SMIM22: variants seen among roughly 807,000 people sequenced by gnomAD.
SMIM22 encodes the protein small integral membrane protein 22, also known as cancer associated small integral membrane open reading frame 1.
A neutral mutation model predicts 8.4 loss-of-function variants in SMIM22; 16 were observed. That is an observed-to-expected ratio of 1.90 (90% CI 1.29 to 2.89). The LOEUF (loss-of-function observed/expected upper bound fraction) is 2.89, where lower values mean the gene tolerates loss of function less well. Among genes scored for constraint, SMIM22 ranks in the 30% most tolerant of loss-of-function variants. SMIM22 has a pLI of 0.00. For missense variants in SMIM22, 159 were observed against 107.5 expected (o/e 1.48, Z -2.12); for synonymous variants, 67 against 47.6 (o/e 1.41, Z -1.68).
rs560707284 is a variant in SMIM22, at chr16:4,796,007, G to C, written c.184G>C (p.Gly62Arg). 2.6e-6 allele frequency: 4 copies of C among 1,512,758 alleles called. No homozygotes were observed. Among genetic ancestry groups the C allele is most frequent in the Non-Finnish European group, 2.6e-6 (3 of 1,135,204 alleles). 93.7% of individuals were successfully genotyped at this position (1,512,758 alleles called of 1,614,324 possible). ...CCACTGCTGCTGCTGCAGCTCCCCC[G>C]GGCCCCGCAGGGAAAGCCCCAGGAA... ...VAHCCCCSSP[G>R]PRRESPRKVS... The change falls in exon 3 of 4, where the codon GGG becomes CGG. Residue 62 changes from glycine (G) to arginine (R), a missense_variant. Transcript: ENST00000586005.
chr16:4,795,862 AG>A lies in SMIM22; in HGVS notation c.124+5del. The A allele has an allele frequency of 6.5e-7, 1 of 1,535,776 alleles. No individual in the cohort carries two copies. The highest frequency in any genetic ancestry group is 8.7e-7 in the Non-Finnish European group (1 of 1,146,688). ...ATTGTTTTCCTCACCTTCATGGGTA[AG>A]TGTGGCTGTGGCCTCTGGGTCCTCC... On this transcript the variant is annotated splice_donor_5th_base_variant and intron_variant, in intron 2 of 3. Coordinates refer to ENST00000586005, the MANE Select transcript of SMIM22 (RefSeq NM_001253794.2).
upstream of SMIM22, among the ~76,000 whole-genome samples, chr16:4,791,732 G>C (rs1162760219): frequency 6.6e-6 from 1 of 152,168 alleles, no homozygotes; most frequent in Non-Finnish European, 1.5e-5. Flanking sequence ...CTGTCACCCA[G>C]GCTGGAGTGC....
At chr16:4,789,383 T>C (rs904701291) in intron 2 of SMIM22, among the ~76,000 whole-genome samples, 4 of 151,870 alleles carry the variant, frequency 2.6e-5, no homozygotes, top group African/African-American at 4.8e-5. Flanking sequence ...TGGAGTTTAG[T>C]GGCATGATCT....
rs1317919415 is a variant in SMIM22 at position 4,795,744 on chromosome 16, T to C, written c.10T>C (p.Ser4Pro). MAV[S>P]TEELEATVQE... ...CACGGTGCACGCCAAGATGGCTGTG[T>C]CCACAGAGGAGCTGGAGGCCACGGT... The change falls in exon 2 of 4, where the codon TCC (serine) becomes CCC (proline). Residue 4 changes from serine to proline, a missense_variant. Transcript: ENST00000586005. 6.5e-7 allele frequency: 1 copy of C among 1,535,766 alleles called. No individual in the cohort carries two copies. Among genetic ancestry groups the C allele is most frequent in the East Asian group, 2.4e-5 (1 of 40,910 alleles).
intron 1 of SMIM22, 118 bp from the exon 2 acceptor site, chr16:4,795,597 G>C: frequency 8.0e-7 from 1 of 1,254,116 alleles, no homozygotes; most frequent in East Asian, 2.6e-5. Flanking sequence ...AGTGGGAGGG[G>C]GTGGGGAAGC....
At chr16:4,796,100 G>A in intron 3 of SMIM22, 52 bp downstream of exon 3, 1 of 1,535,578 alleles carries the variant, frequency 6.5e-7, no homozygotes, top group Non-Finnish European at 8.7e-7. Context: ...GGGGGTGGAG[G>A]CGGAAGGTGA....
rs763178961 is a variant in SMIM22, at chr16:4,795,827, T to C, written c.93T>C (p.Thr31=). The change falls in exon 2 of 4, where the codon ACT becomes ACC. Residue 31 remains threonine, a synonymous_variant. Coordinates refer to ENST00000586005, the MANE Select transcript of SMIM22 (RefSeq NM_001253794.2). ...SHQFFQSTWD[T]VAFIVFLTFM... Reference sequence around the variant, plus strand: ...AGTTTTTCCAGTCCACATGGGACACTGTTGCCTTCATTGTTTTCCTCACCT... The same window carrying C: ...AGTTTTTCCAGTCCACATGGGACACCGTTGCCTTCATTGTTTTCCTCACCT... The C allele has an allele frequency of 5.2e-6, 8 of 1,535,916 alleles. No individual in the cohort carries two copies. The South Asian group carries it at 9.5e-5, about 18-fold the overall frequency.
chr16:4,793,232 A>G (rs530223677), upstream of SMIM22, among the ~76,000 whole-genome samples: 4 of 152,222 alleles, frequency 2.6e-5, no homozygotes, highest in African/African-American at 9.6e-5. Context: ...ACCCTCTAGA[A>G]GCTGGACAAG....
upstream of SMIM22, among the ~76,000 whole-genome samples, chr16:4,790,658 G>T (rs2082537349): frequency 6.6e-6 from 1 of 152,134 alleles, no homozygotes; most frequent in Non-Finnish European, 1.5e-5. Flanking sequence ...CTTGGTGGCG[G>T]GCACCTGTAG....
chr16:4,789,320 T>C (rs1373329542), intron 2 of SMIM22, among the ~76,000 whole-genome samples: 5 of 151,848 alleles, frequency 3.3e-5, no homozygotes, highest in Non-Finnish European at 7.4e-5. Flanking sequence ...TTTTTTCTTT[T>C]TTCCTTTTTT....
upstream of SMIM22, among the ~76,000 whole-genome samples, chr16:4,790,397 C>A (rs539945996): frequency 6.6e-6 from 1 of 152,334 alleles, no homozygotes; most frequent in South Asian, 2.1e-4. Context: ...TTCCTGAGCC[C>A]CAGGCCGACT....
At chr16:4,793,444 T>C (rs1353088323), upstream of SMIM22, among the ~76,000 whole-genome samples, 1 of 152,206 alleles carries the variant, frequency 6.6e-6, no homozygotes, top group African/African-American at 2.4e-5. Context: ...AGGCCTCCGT[T>C]TCCTCATCTG....
chr16:4,794,255 G>C (rs1369084312), upstream of SMIM22, among the ~76,000 whole-genome samples: 3 of 151,716 alleles, frequency 2.0e-5, no homozygotes, highest in African/African-American at 7.3e-5. Flanking sequence ...CTATAGGCGC[G>C]TGCCACCATG....
upstream of SMIM22, among the ~76,000 whole-genome samples, chr16:4,792,434 C>A (rs1349986244): frequency 6.6e-6 from 1 of 150,530 alleles, no homozygotes; most frequent in Non-Finnish European, 1.5e-5. Flanking sequence ...TCGTGATCTG[C>A]CCCCCTCGGC....
Position 4,795,978 on chromosome 16 carries a change from T to C in SMIM22, c.155T>C (p.Val52Ala). The C allele has an allele frequency of 6.6e-7, 1 of 1,505,454 alleles. No individual in the cohort carries two copies. Among genetic ancestry groups the C allele is most frequent in the Non-Finnish European group, 8.8e-7 (1 of 1,130,948 alleles). The allele number at this position is 1,505,454 out of a possible 1,614,324, so 93.3% of individuals were successfully genotyped here. The change falls in exon 3 of 4, where the codon GTC (valine) becomes GCC (alanine). Residue 52 changes from valine (V) to alanine (A), a missense_variant. By Grantham distance (64) the Val-to-Ala change is moderately conservative. Transcript: ENST00000586005. ...GTVLLLLLLVVAHCCCCSSPG... is the reference protein window; with the variant it reads ...GTVLLLLLLVAAHCCCCSSPG... Reference sequence around the variant, plus strand: ...GTGCTGCTCCTGCTGCTGCTGGTCGTCGCCCACTGCTGCTGCTGCAGCTCC... The same window carrying C: ...GTGCTGCTCCTGCTGCTGCTGGTCGCCGCCCACTGCTGCTGCTGCAGCTCC...
upstream of SMIM22, among the ~76,000 whole-genome samples, chr16:4,791,616 G>A (rs8057261): frequency 0.064 from 9,800 of 152,112 alleles, 1,052 homozygotes; most frequent in African/African-American, 0.22. Context: ...CTGACTCACC[G>A]GAACCACTCC....
At chr16:4,793,164 C>T (rs545766817), upstream of SMIM22, among the ~76,000 whole-genome samples, 8 of 147,978 alleles carry the variant, frequency 5.4e-5, no homozygotes, top group African/African-American at 1.8e-4. Context: ...GAGGAGGAGA[C>T]GTGAGCCTGG....
Position 4,795,943 on chromosome 16 carries a change from C to A in SMIM22, c.125-5C>A. The A allele has an allele frequency of 6.6e-7, 1 of 1,514,678 alleles. No individual in the cohort carries two copies. The allele number at this position is 1,514,678 out of a possible 1,614,324, so 93.8% of individuals were successfully genotyped here. A position where few individuals can be genotyped will look rare whatever the true frequency, so the allele number is the denominator to read the frequency against. ...GCCACACCTGGACGCCTGTCCTGTC[C>A]CCAGGCACCGTGCTGCTCCTGCTGC... On this transcript the variant is annotated splice_region_variant and splice_polypyrimidine_tract_variant and intron_variant, in intron 2 of 3. Transcript: ENST00000586005.
At chr16:4,795,663 C>T (rs907528662) in intron 1 of SMIM22, 52 bp from the exon 2 acceptor site, 6 of 1,506,654 alleles carry the variant, frequency 4.0e-6, no homozygotes, top group Non-Finnish European at 5.3e-6. Context: ...GGATGTGGTC[C>T]CCGCTGAGCT....
Sources: allele counts gnomAD v4.1 joint callset (sites outside exome capture counted in the v4.1 genomes callset), GRCh38; gene constraint gnomAD v4.1.1; transcripts MANE v1.5; gene names NCBI Gene and HGNC (gene_info 2026-07-23, HGNC 2026-07-21).